Variants in CYBC1 observed in about 807,000 individuals in gnomAD.
CYBC1 encodes the protein essential for reactive oxygen species protein.
In CYBC1, 22 loss-of-function variants were observed where a neutral mutation model predicts 21.7. That is an observed-to-expected ratio of 1.02 (90% CI 0.73 to 1.45). CYBC1 has a LOEUF of 1.45. Ranked by LOEUF, CYBC1 falls within the 40% of genes most tolerant of loss-of-function variation. The probability of loss-of-function intolerance (pLI) is 0.00; values close to 1 mark genes in which losing one functional copy is unlikely to be tolerated. For missense variants in CYBC1, 237 were observed against 242.1 expected (o/e 0.98, Z 0.14); for synonymous variants, 112 against 98.7 (o/e 1.13, Z -0.80).
At chr17:82,446,024 G>T in intron 4 of CYBC1, 64 bp from the exon 5 acceptor site, 1 of 1,327,788 alleles carries the variant, frequency 7.5e-7, no homozygotes, top group Non-Finnish European at 1.1e-6. Flanking sequence ...GGCCGCTGGG[G>T]CCTCACCCCC....
chr17:82,445,481 A>C, intron 5 of CYBC1: 1 of 170,952 alleles, frequency 5.8e-6, no homozygotes, highest in Admixed American at 6.0e-5. Context: ...GCCAGACTGC[A>C]CCTGCGGACA....
Position 82,447,464 on chromosome 17 carries a change from G to A in CYBC1, c.127+116C>T, listed in dbSNP as rs889056760. On this transcript the variant is annotated intron_variant, in intron 3 of 6. Coordinates refer to ENST00000306645, the MANE Select transcript of CYBC1 (RefSeq NM_001033046.4). ...TGCCCGCCAGCAATCAAGGGGCAGA[G>A]GTGCCGATCCTAAAGGCCGCCCCAT... 247 of 864,544 alleles carry A rather than the reference G, an allele frequency of 2.9e-4. 1 individual carries two copies. The highest frequency in any genetic ancestry group is 4.1e-4 in the Non-Finnish European group (217 of 533,016). 53.6% of individuals were successfully genotyped at this position (864,544 alleles called of 1,614,324 possible).
chr17:82,443,313 T>A lies in CYBC1; in HGVS notation c.*691A>T, dbSNP rs1358434062. 1 of 392,288 alleles carries A rather than the reference T, an allele frequency of 2.5e-6. No homozygotes were observed. The highest frequency in any genetic ancestry group is 6.0e-5 in the East Asian group (1 of 16,642). 24.3% of individuals were successfully genotyped at this position (392,288 alleles called of 1,614,324 possible). ...TGAGTGTGAGGAACAGAGAGACCTT[T>A]CTGTGACGACCGCTGGGGCAGAGTG... On this transcript the variant is annotated 3_prime_UTR_variant, in exon 7 of 7. Transcript: ENST00000306645. The surrounding 1 kb of genome is among the most constrained non-coding windows in gnomAD (Gnocchi z 6.7).
chr17:82,447,611 C>G lies in CYBC1; in HGVS notation c.96G>C (p.Ser32=). The change falls in exon 3 of 7, where the codon TCG becomes TCC. Residue 32 remains serine (S), a synonymous_variant. Transcript: ENST00000306645. ...RSWSLLVGIL[S]IGLAAAYYSG... ...TGTAGTAGGCAGCAGCCAGGCCAAT[C>G]GACAAGATTCCTATGAAGAGAAAGT... 1.3e-6 allele frequency: 2 copies of G among 1,597,408 alleles called. No homozygotes were observed. The highest frequency in any genetic ancestry group is 1.7e-6 in the Non-Finnish European group (2 of 1,174,126).
chr17:82,443,540 CA>C lies in CYBC1; in HGVS notation c.*463del. On this transcript the variant is annotated 3_prime_UTR_variant, in exon 7 of 7. Transcript: ENST00000306645. This position sits in a 1 kb window ranked among gnomAD's most constrained non-coding sequence, Gnocchi z 6.7. ...GGACAACATGCAGCATCAGCACCCACAAGGGCCCGGCCTGGCCCCGCCTCTC... is the reference window on the plus strand; with the variant it reads ...GGACAACATGCAGCATCAGCACCCACAGGGCCCGGCCTGGCCCCGCCTCTC... 1 of 701,380 alleles carries C rather than the reference CA, an allele frequency of 1.4e-6. No homozygotes were observed. Among genetic ancestry groups the C allele is most frequent in the Non-Finnish European group, 2.6e-6 (1 of 384,630 alleles). 43.4% of individuals were successfully genotyped at this position (701,380 alleles called of 1,614,324 possible).
At chr17:82,447,495 G>T in intron 3 of CYBC1, 85 bp downstream of exon 3, 1 of 1,079,206 alleles carries the variant, frequency 9.3e-7, no homozygotes, top group Non-Finnish European at 1.3e-6. Context: ...CCCATGGACA[G>T]TCACAAATGA....
At chr17:82,444,271 G>T in intron 6 of CYBC1, 147 bp from the exon 7 acceptor site, 1 of 1,434,796 alleles carries the variant, frequency 7.0e-7, no homozygotes, top group Non-Finnish European at 9.3e-7. Flanking sequence ...CCTGCTCCCA[G>T]CCTCCCCGTC....
At chr17:82,444,374 C>G (rs1490789897) in intron 6 of CYBC1, 73 bp downstream of exon 6, 2 of 1,545,050 alleles carry the variant, frequency 1.3e-6, no homozygotes, top group Admixed American at 3.6e-5. Context: ...TGCCCCATAG[C>G]TCTGGGCAGT....
At chr17:82,449,846 G>C (rs1258019904) in intron 1 of CYBC1, 8 of 152,428 alleles carry the variant, frequency 5.2e-5, no homozygotes. Flanking sequence ...CACCAAAGGG[G>C]CTAATCTTCC....
In CYBC1 at chr17:82,443,202, C is replaced by A. The variant is rs998650062; in HGVS notation, c.*802G>T. On this transcript the variant is annotated 3_prime_UTR_variant, in exon 7 of 7. Transcript: ENST00000306645. This position sits in a 1 kb window ranked among gnomAD's most constrained non-coding sequence, Gnocchi z 6.7. ...CTGGGATTACTGGCATGAACCACTG[C>A]GCCCGGCTGGAGCTCCCGGTTTTTA... The A allele has an allele frequency of 5.2e-5, 16 of 305,540 alleles. No individual in the cohort carries two copies. The highest frequency in any genetic ancestry group is 3.2e-4 in the African/African-American group (15 of 46,156). The allele number at this position is 305,540 out of a possible 1,614,324, so 18.9% of individuals were successfully genotyped here.
At chr17:82,447,135 CGAGGTCAGGAGAT>C (rs2054344104) in intron 3 of CYBC1, 1 of 296,912 alleles carries the variant, frequency 3.4e-6, no homozygotes, top group South Asian at 3.4e-5. Context: ...GGGCGGATCA[CGAGGTCAGGAGAT>C]CGAGACCATC....
chr17:82,447,812 T>C, intron 2 of CYBC1, 191 bp from the exon 3 acceptor site: 1 of 643,478 alleles, frequency 1.6e-6, no homozygotes, highest in Non-Finnish European at 2.8e-6. Flanking sequence ...TAATGCAGTA[T>C]AGCTGGGCGT....
At chr17:82,447,552 T>TCGG in intron 3 of CYBC1, 28 bp downstream of exon 3, 1 of 454,596 alleles carries the variant, frequency 2.2e-6, no homozygotes, top group Non-Finnish European at 3.3e-6. Flanking sequence ...GAGACAGTCA[T>TCGG]GGGGGGGTGG....
intron 3 of CYBC1, chr17:82,446,965 G>A (rs905303531): frequency 3.7e-6 from 2 of 546,978 alleles, no homozygotes; most frequent in Admixed American, 3.3e-5. Flanking sequence ...GATTGTGGCA[G>A]GGTGGGAAGT....
rs7221125 is a variant in CYBC1, at chr17:82,444,420, G to A, written c.443+27C>T. The A allele has an allele frequency of 0.31, 488,721 of 1,584,568 alleles. 85,903 individuals are homozygous for A. The highest frequency in any genetic ancestry group is 0.87 in the East Asian group (38,546 of 44,378). On this transcript the variant is annotated intron_variant, in intron 6 of 6. Coordinates refer to ENST00000306645, the MANE Select transcript of CYBC1 (RefSeq NM_001033046.4). ...AGTGACCTGCTACGGCTGCAGCTCC[G>A]GCCAGATCAAAGTCCCACAGCCTTA...
Position 82,442,716 on chromosome 17 carries a change from G to A in CYBC1, c.*1288C>T, listed in dbSNP as rs1311138358. ...AGGGACTGGCAGCCACTACTGAGGA[G>A]GAGGGTCCCATCTCTCTCCTGTCGG... On this transcript the variant is annotated 3_prime_UTR_variant, in exon 7 of 7. Transcript: ENST00000306645. This position sits in a 1 kb window ranked among gnomAD's most constrained non-coding sequence, Gnocchi z 6.8. The A allele has an allele frequency of 1.1e-6, 1 of 943,900 alleles. No homozygotes were observed. Among genetic ancestry groups the A allele is most frequent in the Non-Finnish European group, 1.6e-6 (1 of 635,972 alleles). 58.5% of individuals were successfully genotyped at this position (943,900 alleles called of 1,614,324 possible).
chr17:82,445,545 G>A (rs969718297), intron 5 of CYBC1: 2 of 232,798 alleles, frequency 8.6e-6, no homozygotes, highest in Non-Finnish European at 1.7e-5. Context: ...GCCCGAGCCC[G>A]GGTGGGCCAG....
chr17:82,442,984 T>G lies in CYBC1; in HGVS notation c.*1020A>C. 4.8e-6 allele frequency: 1 copy of G among 206,324 alleles called. No homozygotes were observed. Among genetic ancestry groups the G allele is most frequent in the Non-Finnish European group, 9.9e-6 (1 of 101,154 alleles). The allele number at this position is 206,324 out of a possible 1,614,324, so 12.8% of individuals were successfully genotyped here. On this transcript the variant is annotated 3_prime_UTR_variant, in exon 7 of 7. Transcript: ENST00000306645. This position sits in a 1 kb window ranked among gnomAD's most constrained non-coding sequence, Gnocchi z 6.8. ...CTCCTACGGGGTGGGGAGAAGTCTG[T>G]AGCCGAGAGCCCAGCCCCCTCCTGC...
At chr17:82,445,777 C>T in intron 5 of CYBC1, 87 bp downstream of exon 5, 1 of 975,532 alleles carries the variant, frequency 1.0e-6, no homozygotes, top group South Asian at 1.6e-5. Context: ...CTTCCAGGCC[C>T]CCCTCTAGGC....
Sources: gnomAD v4.1 joint callset for allele counts on GRCh38, gnomAD v4.1.1 for gene constraint, Gnocchi (gnomAD v3.1) non-coding constraint, MANE v1.5 for transcripts, NCBI Gene and HGNC (gene_info 2026-07-23, HGNC 2026-07-21) for gene names.